The following SKAP1 variants were observed in gnomAD, a reference collection of about 807,000 sequenced individuals.
SKAP1 encodes the protein src kinase associated phosphoprotein 1.
Under a neutral mutation model 58.5 loss-of-function variants are expected in SKAP1, and 44 were observed. That is an observed-to-expected ratio of 0.75 (90% CI 0.59 to 0.97). SKAP1 has a LOEUF of 0.97. Among genes scored for constraint, SKAP1 ranks in the 50% least tolerant of loss-of-function variants. The probability of loss-of-function intolerance (pLI) is 0.00; values close to 1 mark genes in which losing one functional copy is unlikely to be tolerated. For missense variants in SKAP1, 390 were observed against 435.2 expected, an observed-to-expected ratio of 0.90 and a Z score of 0.92; for synonymous variants, 127 against 149.7, an observed-to-expected ratio of 0.85 and a Z score of 1.11.
chr17:48,347,865 C>G (rs1279295234), intron 3 of SKAP1, among the ~76,000 whole-genome samples: 2 of 152,036 alleles, frequency 1.3e-5, no homozygotes, highest in Non-Finnish European at 2.9e-5. Context: ...TGAAAGTGAG[C>G]TGCAAGGTTA....
At chr17:48,315,257 A>G (rs1019931554) in intron 4 of SKAP1, among the ~76,000 whole-genome samples, 1 of 152,326 alleles carries the variant, frequency 6.6e-6, no homozygotes, top group Admixed American at 6.5e-5. Context: ...GATAAATGTT[A>G]TATCTCTGGG....
chr17:48,278,341 T>C (rs1003565930), intron 4 of SKAP1, among the ~76,000 whole-genome samples: 2 of 152,242 alleles, frequency 1.3e-5, no homozygotes, highest in Non-Finnish European at 1.5e-5. Flanking sequence ...TAGTAGTAGA[T>C]GTCCGGTGTG....
In SKAP1 at chr17:48,371,917, A is replaced by G. The variant is rs546754424; in HGVS notation, c.153-8103T>C. ...AATTATAAAAAAATGATTAACATTT[A>G]TTAGCACTTACATGTTAGGCATTGT... On this transcript the variant is annotated intron_variant, in intron 2 of 12. Transcript: ENST00000336915. Among the ~76,000 whole-genome samples the G allele has an allele frequency of 2.0e-5, 3 of 152,268 alleles. No homozygotes were observed. The East Asian group carries it at 5.8e-4, about 29-fold the overall frequency.
At chr17:48,249,409 C>G (rs1037329406) in intron 4 of SKAP1, among the ~76,000 whole-genome samples, 6 of 152,142 alleles carry the variant, frequency 3.9e-5, no homozygotes, top group African/African-American at 9.7e-5. Flanking sequence ...CACAGTGCCT[C>G]ACACCTGTAA....
intron 4 of SKAP1, among the ~76,000 whole-genome samples, chr17:48,309,338 C>G (rs1456347170): frequency 6.6e-6 from 1 of 152,076 alleles, no homozygotes; most frequent in Non-Finnish European, 1.5e-5. Flanking sequence ...TGTTAAGCCT[C>G]TTGTTAAACT....
intron 11 of SKAP1, 58 bp from the exon 12 acceptor site, chr17:48,137,395 A>G (rs1446402246): frequency 1.8e-6 from 2 of 1,141,102 alleles, no homozygotes; most frequent in East Asian, 4.7e-5. Context: ...CTGCTCATTT[A>G]TTCTAGTGAT....
intron 1 of SKAP1, among the ~76,000 whole-genome samples, chr17:48,405,453 T>TTTC (rs1567902272): frequency 2.0e-4 from 14 of 69,152 alleles, no homozygotes; most frequent in East Asian, 6.8e-4. Flanking sequence ...TTCTTTCTTT[T>TTTC]CTTTCTTTCT....
At chr17:48,424,709 C>A (rs1410108665) in intron 1 of SKAP1, among the ~76,000 whole-genome samples, 2 of 150,442 alleles carry the variant, frequency 1.3e-5, no homozygotes, top group Non-Finnish European at 3.0e-5. Context: ...CCGAGGCAGG[C>A]GGATCACGAG....
In SKAP1 at chr17:48,319,238, TC is replaced by T. The variant is rs568170368; in HGVS notation, c.280+26666del. On this transcript the variant is annotated intron_variant, in intron 4 of 12. Transcript: ENST00000336915. Reference sequence around the variant, plus strand: ...CAAGGTCTTCTCATCTCCAGAGGAATCCTTTTTGGGACAATCTTCACCTGCC... The same window carrying T: ...CAAGGTCTTCTCATCTCCAGAGGAATCTTTTTGGGACAATCTTCACCTGCC... Among the ~76,000 whole-genome samples the T allele has an allele frequency of 2.3e-4, 35 of 152,308 alleles. No individual in the cohort carries two copies. The South Asian group carries it at 7.0e-3, about 31-fold the overall frequency.
At chr17:48,421,399 G>T (rs1490648351) in intron 1 of SKAP1, among the ~76,000 whole-genome samples, 1 of 151,042 alleles carries the variant, frequency 6.6e-6, no homozygotes, top group Non-Finnish European at 1.5e-5. Flanking sequence ...TGCCTCCCAG[G>T]TTCAAGTGAT....
At chr17:48,313,673 A>C (rs1022697504) in intron 4 of SKAP1, among the ~76,000 whole-genome samples, 11 of 152,226 alleles carry the variant, frequency 7.2e-5, no homozygotes, top group African/African-American at 2.7e-4. Flanking sequence ...AAAAGAGTGG[A>C]AACTAGAAAG....
At chr17:48,138,899 T>C (rs1345866125) in intron 11 of SKAP1, among the ~76,000 whole-genome samples, 2 of 151,664 alleles carry the variant, frequency 1.3e-5, no homozygotes, top group Non-Finnish European at 2.9e-5. Flanking sequence ...AAAAAATTTT[T>C]TTTTTTTGAG....
intron 11 of SKAP1, among the ~76,000 whole-genome samples, chr17:48,156,079 C>A (rs936446714): frequency 7.2e-5 from 11 of 152,174 alleles, no homozygotes; most frequent in Non-Finnish European, 1.5e-4. Context: ...AATCACTTTT[C>A]CCCACTGTTG....
chr17:48,353,453 A>G (rs2066830024), intron 3 of SKAP1, among the ~76,000 whole-genome samples: 1 of 152,158 alleles, frequency 6.6e-6, no homozygotes, highest in Non-Finnish European at 1.5e-5. Context: ...CCTTTCTCCC[A>G]AACAGCAAGT....
At chr17:48,340,845 T>G (rs2066641757) in intron 4 of SKAP1, among the ~76,000 whole-genome samples, 1 of 152,166 alleles carries the variant, frequency 6.6e-6, no homozygotes, top group Non-Finnish European at 1.5e-5. Flanking sequence ...TTTTTAGCTA[T>G]GAACACATTT....
At chr17:48,369,146 AAAATAAATAAATAAAT>A (rs59376097) in intron 2 of SKAP1, among the ~76,000 whole-genome samples, 2 of 146,674 alleles carry the variant, frequency 1.4e-5, no homozygotes, top group Admixed American at 6.8e-5. Flanking sequence ...ACTCCATCTC[AAAATAAATAAATAAAT>A]AAATAAATAA....
the SKAP1 span, among the ~76,000 whole-genome samples, chr17:48,439,993 C>T: frequency 6.6e-6 from 1 of 152,188 alleles, no homozygotes; most frequent in South Asian, 2.1e-4. Flanking sequence ...TTCTTCATCT[C>T]TTCCCCTTCC....
upstream of SKAP1, among the ~76,000 whole-genome samples, chr17:48,432,531 T>G (rs1431053536): frequency 6.6e-6 from 1 of 152,172 alleles, no homozygotes; most frequent in Non-Finnish European, 1.5e-5. Flanking sequence ...TTTTACCAAC[T>G]TCACCACTTC....
intron 4 of SKAP1, among the ~76,000 whole-genome samples, chr17:48,300,385 AAGG>A (rs1445723933): frequency 3.0e-5 from 4 of 131,668 alleles, no homozygotes; most frequent in East Asian, 2.0e-4. Context: ...GATTTTGAAA[AAGG>A]AGGAGAAGTT....
Sources: allele counts gnomAD v4.1 joint callset (sites outside exome capture counted in the v4.1 genomes callset), GRCh38; gene constraint gnomAD v4.1.1; transcripts MANE v1.5; gene names NCBI Gene and HGNC (gene_info 2026-07-23, HGNC 2026-07-21).